Variants in CACNB4 observed in about 807,000 individuals in gnomAD.
The protein encoded by CACNB4 is calcium voltage-gated channel auxiliary subunit beta 4.
CACNB4 carries 32 observed loss-of-function variants against 71.2 expected under a neutral mutation model. The ratio of observed to expected loss-of-function variants is 0.45; its 90% CI spans 0.34 to 0.60. The LOEUF is 0.60. CACNB4 is among the 20% of genes least tolerant of loss of function. The pLI, the probability that CACNB4 is intolerant of heterozygous loss-of-function variation, is 0.01. For synonymous variants in CACNB4, 231 were observed against 236.9 expected, an observed-to-expected ratio of 0.97 and a Z score of 0.23; for missense variants, 464 against 647.9, an observed-to-expected ratio of 0.72 and a Z score of 3.08.
chr2:152,025,796 A>G (rs543895804), intron 2 of CACNB4, among the ~76,000 whole-genome samples: 1 of 152,250 alleles, frequency 6.6e-6, no homozygotes, highest in Non-Finnish European at 1.5e-5. Context: ...GAAAATGTTC[A>G]GCGTTGTCTC....
In CACNB4 at chr2:151,870,441, G is replaced by A. The variant is rs114641528; in HGVS notation, c.699+90C>T. 2,904 of 1,088,946 alleles carry A rather than the reference G, an allele frequency of 2.7e-3. 51 individuals carry two copies. In the African/African-American group the frequency reaches 0.04, roughly 15 times the overall value. The allele number at this position is 1,088,946 out of a possible 1,614,324, so 67.5% of individuals were successfully genotyped here. On this transcript the variant is annotated intron_variant, in intron 8 of 13. Transcript: ENST00000539935. ...AGCACTGGCTTCCATCAGGACCCAC[G>A]TGGAAACAGACCCTTGAGGAGCAAG...
At chr2:151,927,035 A>G (rs1384179440) in intron 2 of CACNB4, among the ~76,000 whole-genome samples, 3 of 152,232 alleles carry the variant, frequency 2.0e-5, no homozygotes, top group Admixed American at 1.3e-4. Context: ...CACTTTAAGC[A>G]CTTTAAAACA....
rs373557907 is a variant in CACNB4 at position 151,845,460 on chromosome 2, T to C, written c.1117-3372A>G. On this transcript the variant is annotated intron_variant, in intron 12 of 13. Coordinates refer to ENST00000539935, the MANE Select transcript of CACNB4 (RefSeq NM_000726.5). ...AATAACACAGCTGAGTAGATCAGAG[T>C]GATAGAAACTCAGTATCAGGGAAAA... 1.0e-4 allele frequency among the ~76,000 whole-genome samples: 15 copies of C among 149,622 alleles called. No homozygotes were observed. The East Asian group carries it at 3.0e-3, about 30-fold the overall frequency.
intron 2 of CACNB4, among the ~76,000 whole-genome samples, chr2:152,042,483 T>C (rs1387322673): frequency 6.6e-6 from 1 of 152,144 alleles, no homozygotes; most frequent in Non-Finnish European, 1.5e-5. Flanking sequence ...GGCAAGCTAC[T>C]CTTGGAAGTC....
At chr2:151,927,589 A>G (rs147313139) in intron 2 of CACNB4, among the ~76,000 whole-genome samples, 1 of 152,352 alleles carries the variant, frequency 6.6e-6, no homozygotes, top group Non-Finnish European at 1.5e-5. Flanking sequence ...GAAAAGTAGC[A>G]CAGTGAATGG....
intron 10 of CACNB4, chr2:151,857,795 A>T (rs2099840665): frequency 6.6e-6 from 1 of 152,258 alleles, no homozygotes; most frequent in African/African-American, 2.4e-5. Flanking sequence ...TGACTCAGAA[A>T]TACCTGGGCC....
At chr2:151,977,339 A>G (rs1337081562) in intron 2 of CACNB4, among the ~76,000 whole-genome samples, 1 of 152,226 alleles carries the variant, frequency 6.6e-6, no homozygotes, top group Non-Finnish European at 1.5e-5. Flanking sequence ...TGGGGAAGGT[A>G]TCCTTGCAAT....
chr2:151,863,904 A>T (rs1410244923), intron 9 of CACNB4, among the ~76,000 whole-genome samples: 1 of 152,208 alleles, frequency 6.6e-6, no homozygotes, highest in Non-Finnish European at 1.5e-5. Flanking sequence ...ACAGCCCTAG[A>T]AAACCTTCAG....
intron 2 of CACNB4, among the ~76,000 whole-genome samples, chr2:151,951,517 G>A (rs190955941): frequency 5.3e-5 from 8 of 152,074 alleles, no homozygotes; most frequent in East Asian, 1.9e-4. Context: ...AATAGGTTTC[G>A]GTGTGCTCCT....
intron 2 of CACNB4, among the ~76,000 whole-genome samples, chr2:152,078,863 A>G (rs933527666): frequency 2.0e-5 from 3 of 152,114 alleles, no homozygotes; most frequent in African/African-American, 4.8e-5. Flanking sequence ...AGAAATATAT[A>G]TTGATCTTTT....
intron 2 of CACNB4, among the ~76,000 whole-genome samples, chr2:151,904,598 G>C (rs916976935): frequency 4.0e-5 from 6 of 149,478 alleles, no homozygotes; most frequent in Non-Finnish European, 8.9e-5. Flanking sequence ...GCAGTGGTGC[G>C]ACCTCAGCTC....
intron 2 of CACNB4, among the ~76,000 whole-genome samples, chr2:151,974,538 A>C (rs1396725768): frequency 6.6e-6 from 1 of 152,236 alleles, no homozygotes; most frequent in Non-Finnish European, 1.5e-5. Flanking sequence ...AAACTTCTCA[A>C]CTTTTAGATG....
chr2:152,033,786 G>A (rs752118490), intron 2 of CACNB4, among the ~76,000 whole-genome samples: 1 of 152,120 alleles, frequency 6.6e-6, no homozygotes, highest in Non-Finnish European at 1.5e-5. Context: ...GAAATAAAGA[G>A]AAAAATGAAA....
intron 3 of CACNB4, among the ~76,000 whole-genome samples, chr2:151,881,904 G>A (rs940205233): frequency 1.8e-4 from 25 of 142,470 alleles, no homozygotes; most frequent in South Asian, 6.7e-4. Context: ...TTTTTGAGAC[G>A]GAGTCTCACC....
chr2:152,069,837 CTTTTTT>C (rs70974819), intron 2 of CACNB4, among the ~76,000 whole-genome samples: 1 of 98,722 alleles, frequency 1.0e-5, no homozygotes, highest in Non-Finnish European at 1.9e-5. Flanking sequence ...CTTCATCAAT[CTTTTTT>C]TTTTTTTTTT....
intron 2 of CACNB4, among the ~76,000 whole-genome samples, chr2:152,090,891 G>T (rs964168823): frequency 4.6e-5 from 7 of 151,314 alleles, no homozygotes; most frequent in African/African-American, 1.7e-4. Flanking sequence ...ACTAAAAATA[G>T]AAAAGTTAGC....
At chr2:151,999,246 G>C (rs901305731) in intron 2 of CACNB4, among the ~76,000 whole-genome samples, 3 of 151,996 alleles carry the variant, frequency 2.0e-5, no homozygotes, top group Non-Finnish European at 4.4e-5. Context: ...GTTCATGTCC[G>C]CCCCCTCTGG....
At chr2:152,013,260 A>T (rs1379945180) in intron 2 of CACNB4, among the ~76,000 whole-genome samples, 3 of 152,222 alleles carry the variant, frequency 2.0e-5, no homozygotes, top group Non-Finnish European at 4.4e-5. Flanking sequence ...ACATGACTGT[A>T]CAGAGTTTTA....
chr2:151,837,931 G>C lies in CACNB4; in HGVS notation c.*1188C>G, dbSNP rs780434757. ...CATTTGTTTCAACTTTTTTCAATTA[G>C]TCATTTTGTAAAAACATCTCCTGAA... On this transcript the variant is annotated 3_prime_UTR_variant, in exon 14 of 14. Transcript: ENST00000539935. 2.6e-5 allele frequency: 4 copies of C among 152,034 alleles called. No homozygotes were observed. The highest frequency in any genetic ancestry group is 4.4e-5 in the Non-Finnish European group (3 of 67,982). The allele number at this position is 152,034 out of a possible 1,614,324, so 9.4% of individuals were successfully genotyped here.
Sources: gnomAD v4.1 joint callset for allele counts (sites outside exome capture counted in the v4.1 genomes callset) on GRCh38, gnomAD v4.1.1 for gene constraint, MANE v1.5 for transcripts, NCBI Gene and HGNC (gene_info 2026-07-23, HGNC 2026-07-21) for gene names.